The following RAD51B variants were observed in gnomAD, a reference collection of about 807,000 sequenced individuals.
RAD51B encodes DNA repair protein RAD51 homolog 2.
Under a neutral mutation model 42.2 loss-of-function variants are expected in RAD51B, and 38 were observed. The ratio of observed to expected loss-of-function variants is 0.90; its 90% CI spans 0.70 to 1.18. The LOEUF is 1.18. Among genes scored for constraint, RAD51B ranks in the 50% most tolerant of loss-of-function variants. RAD51B has a pLI of 0.00. For synonymous variants in RAD51B, 154 were observed against 145.2 expected, an observed-to-expected ratio of 1.06 and a Z score of -0.43; for missense variants, 373 against 400.7, an observed-to-expected ratio of 0.93 and a Z score of 0.59.
intron 7 of RAD51B, among the ~76,000 whole-genome samples, chr14:67,965,613 C>A (rs917014417): frequency 2.6e-5 from 4 of 152,060 alleles, no homozygotes; most frequent in Non-Finnish European, 4.4e-5. Context: ...TTATTCTCAT[C>A]TCATTACCTG....
chr14:68,345,546 AT>A (rs1187253181), intron 8 of RAD51B, among the ~76,000 whole-genome samples: 3 of 152,142 alleles, frequency 2.0e-5, no homozygotes, highest in Non-Finnish European at 4.4e-5. Flanking sequence ...ACCTGCCACC[AT>A]GACTATAAGC....
intron 7 of RAD51B, among the ~76,000 whole-genome samples, chr14:68,239,990 G>T (rs2080347799): frequency 6.6e-6 from 1 of 152,214 alleles, no homozygotes; most frequent in South Asian, 2.1e-4. Context: ...GAAGGCCACT[G>T]TCTGTCCATG....
chr14:68,068,703 G>C (rs2076693681), intron 7 of RAD51B, among the ~76,000 whole-genome samples: 1 of 152,108 alleles, frequency 6.6e-6, no homozygotes, highest in Admixed American at 6.6e-5. Flanking sequence ...TTGGTTTCCA[G>C]AGTAGTGGTA....
chr14:68,603,931 G>C (rs182580159), intron 10 of RAD51B, among the ~76,000 whole-genome samples: 337 of 152,356 alleles, frequency 2.2e-3, no homozygotes, highest in Non-Finnish European at 3.0e-3. Context: ...GCCCCTGCCT[G>C]CTGGGGTCTC....
chr14:68,420,800 G>A (rs2140106056), intron 9 of RAD51B, among the ~76,000 whole-genome samples: 1 of 152,298 alleles, frequency 6.6e-6, no homozygotes, highest in South Asian at 2.1e-4. Flanking sequence ...AACCTCCTGG[G>A]AATACAGACC....
At chr14:68,145,394 A>C (rs1268507178) in intron 7 of RAD51B, among the ~76,000 whole-genome samples, 2 of 152,244 alleles carry the variant, frequency 1.3e-5, no homozygotes, top group African/African-American at 4.8e-5. Flanking sequence ...GCAAGGAACC[A>C]AAGCTTTTGG....
chr14:68,469,802 GA>G lies in RAD51B; in HGVS notation c.1036+1558del, dbSNP rs376334238. ...GAAGATTACAAGACAATTTCAGGAG[GA>G]AAAAAGTTTGTTCTGCTCAGATGAC... On this transcript the variant is annotated intron_variant, in intron 10 of 10. Coordinates refer to ENST00000471583, the MANE Select transcript of RAD51B (RefSeq NM_133510.4). Among the ~76,000 whole-genome samples the G allele has an allele frequency of 3.4e-3, 517 of 152,288 alleles. 4 individuals are homozygous for G. Among genetic ancestry groups the G allele is most frequent in the African/African-American group, 0.012 (493 of 41,570 alleles).
chr14:68,415,629 C>A (rs1320622130), intron 9 of RAD51B, among the ~76,000 whole-genome samples: 1 of 152,114 alleles, frequency 6.6e-6, no homozygotes, highest in African/African-American at 2.4e-5. Context: ...GGTTCTCTAG[C>A]GATGAATGAG....
At chr14:68,075,730 T>G (rs1292700828) in intron 7 of RAD51B, among the ~76,000 whole-genome samples, 1 of 151,450 alleles carries the variant, frequency 6.6e-6, no homozygotes, top group African/African-American at 2.4e-5. Context: ...GGATAGCTGC[T>G]TTGTGGGTCT....
intron 7 of RAD51B, among the ~76,000 whole-genome samples, chr14:68,250,473 G>T (rs1819611574): frequency 6.6e-6 from 1 of 152,174 alleles, no homozygotes; most frequent in African/African-American, 2.4e-5. Flanking sequence ...ACTTTTAAGG[G>T]AAACAATCAC....
At chr14:68,129,709 G>A (rs2140670354) in intron 7 of RAD51B, among the ~76,000 whole-genome samples, 1 of 152,322 alleles carries the variant, frequency 6.6e-6, no homozygotes, top group African/African-American at 2.4e-5. Flanking sequence ...GGTTGCCTGT[G>A]CCTACAAGCA....
chr14:67,852,225 C>T (rs1290687104), intron 4 of RAD51B, among the ~76,000 whole-genome samples: 1 of 152,232 alleles, frequency 6.6e-6, no homozygotes. Context: ...GGCCAGTGGC[C>T]TTGCCTGGCA....
chr14:68,202,068 A>G (rs1466378692), intron 7 of RAD51B, among the ~76,000 whole-genome samples: 1 of 152,232 alleles, frequency 6.6e-6, no homozygotes, highest in Admixed American at 6.5e-5. Flanking sequence ...TATCAAAGTT[A>G]TGTTAATGCT....
chr14:68,470,623 A>T (rs1304664987), intron 10 of RAD51B: 2 of 506,984 alleles, frequency 3.9e-6, no homozygotes, highest in East Asian at 8.5e-5. Context: ...CCAGCATTTG[A>T]AAACAGAGAG....
At chr14:68,490,210 A>G (rs890754068) in intron 10 of RAD51B, among the ~76,000 whole-genome samples, 1 of 152,236 alleles carries the variant, frequency 6.6e-6, no homozygotes, top group African/African-American at 2.4e-5. Flanking sequence ...AAATGATTTT[A>G]TTATTTATGT....
chr14:68,397,704 A>AAGTGTAGC (rs1245872960), intron 8 of RAD51B, among the ~76,000 whole-genome samples: 3 of 151,998 alleles, frequency 2.0e-5, no homozygotes, highest in Non-Finnish European at 4.4e-5. Context: ...CCAAAAGGAG[A>AAGTGTAGC]AGTGTAGCAG....
intron 5 of RAD51B, among the ~76,000 whole-genome samples, chr14:67,873,442 G>A (rs370148471): frequency 6.7e-6 from 1 of 150,274 alleles, no homozygotes; most frequent in Non-Finnish European, 1.5e-5. Context: ...GAAACAACAG[G>A]TGCTGGAGAG....
At chr14:67,865,189 A>G (rs200250610) in intron 5 of RAD51B, 50 bp downstream of exon 5, 125 of 1,463,772 alleles carry the variant, frequency 8.5e-5, no homozygotes, top group Non-Finnish European at 1.1e-4. Context: ...TAACTTATAT[A>G]CAGCATGAAA....
In RAD51B at chr14:68,373,343, A is replaced by G. The variant is rs572368857; in HGVS notation, c.854-38081A>G. ...ATGGCTTGTTCAAGGCCACATATCTAGGAAGTGGGAGAGTCAAGATTCTAA... is the reference window on the plus strand; with the variant it reads ...ATGGCTTGTTCAAGGCCACATATCTGGGAAGTGGGAGAGTCAAGATTCTAA... On this transcript the variant is annotated intron_variant, in intron 8 of 10. Coordinates refer to ENST00000471583, the MANE Select transcript of RAD51B (RefSeq NM_133510.4). Among the ~76,000 whole-genome samples the G allele has an allele frequency of 2.0e-5, 3 of 152,340 alleles. No individual in the cohort carries two copies. In the South Asian group the frequency reaches 6.2e-4, roughly 32 times the overall value.
Sources: allele counts gnomAD v4.1 joint callset (sites outside exome capture counted in the v4.1 genomes callset), GRCh38; gene constraint gnomAD v4.1.1; transcripts MANE v1.5; gene names NCBI Gene and HGNC (gene_info 2026-07-23, HGNC 2026-07-21).